The following PITPNM2 variants were observed in gnomAD, a reference collection of about 807,000 sequenced individuals.
The protein encoded by PITPNM2 is phosphatidylinositol transfer protein membrane associated 2.
In PITPNM2, 35 loss-of-function variants were observed where a neutral mutation model predicts 132.2. The observed-to-expected ratio is 0.26, with a 90% CI of 0.20 to 0.35. The LOEUF (loss-of-function observed/expected upper bound fraction) is 0.35, where lower values mean the gene tolerates loss of function less well. PITPNM2 is among the 10% of genes least tolerant of loss of function. The pLI, the probability that PITPNM2 is intolerant of heterozygous loss-of-function variation, is 1.00. For synonymous variants in PITPNM2, 738 were observed against 799.2 expected, an observed-to-expected ratio of 0.92 and a Z score of 1.29; for missense variants, 1,332 against 1,912.0, an observed-to-expected ratio of 0.70 and a Z score of 5.66.
intron 2 of PITPNM2, chr12:123,084,130 G>A (rs2042043879): frequency 6.6e-6 from 1 of 152,436 alleles, no homozygotes; most frequent in South Asian, 2.1e-4. Flanking sequence ...GCAGACCTCA[G>A]CCAGAGATGC....
rs573867703 is a variant in PITPNM2, at chr12:123,130,559, T to A, written c.-199-20071A>T. Reference sequence around the variant, plus strand: ...ACTTTGGGAGGCCGAGGCGGGCGGATCACGAGGTCAGGAGATCAAGACCAT... The same window carrying A: ...ACTTTGGGAGGCCGAGGCGGGCGGAACACGAGGTCAGGAGATCAAGACCAT... On this transcript the variant is annotated intron_variant, in intron 1 of 25. Transcript: ENST00000320201. Among the ~76,000 whole-genome samples, 30 of 152,192 alleles carry A rather than the reference T, an allele frequency of 2.0e-4. 1 individual carries two copies. In the South Asian group the frequency reaches 6.0e-3, roughly 31 times the overall value.
chr12:123,036,215 G>A lies in PITPNM2; in HGVS notation c.-95-1530C>T, dbSNP rs1219362263. ...AAAGCATTACTGGGTAGCTAACAAG[G>A]TTGAGAAAAACATTTATCAGAACTC... On this transcript the variant is annotated intron_variant, in intron 2 of 25. Transcript: ENST00000320201. The surrounding 1 kb of genome is among the most constrained non-coding windows in gnomAD (Gnocchi z 4.1). Among the ~76,000 whole-genome samples, 2 of 152,184 alleles carry A rather than the reference G, an allele frequency of 1.3e-5. No homozygotes were observed. The highest frequency in any genetic ancestry group is 4.8e-5 in the African/African-American group (2 of 41,430).
intron 6 of PITPNM2, among the ~76,000 whole-genome samples, chr12:123,007,666 T>C (rs1291006657): frequency 6.6e-6 from 1 of 152,162 alleles, no homozygotes; most frequent in African/African-American, 2.4e-5. Flanking sequence ...AGGGGTGGCC[T>C]CAGATGTGGC....
chr12:122,997,137 C>T (rs1031025323), intron 11 of PITPNM2, among the ~76,000 whole-genome samples, 188 bp downstream of exon 11: 1 of 152,128 alleles, frequency 6.6e-6, no homozygotes, highest in African/African-American at 2.4e-5. Flanking sequence ...CAGCCATGGG[C>T]CCAGGCCTCC....
chr12:123,026,178 T>C (rs2039856825), intron 3 of PITPNM2, among the ~76,000 whole-genome samples: 1 of 152,216 alleles, frequency 6.6e-6, no homozygotes, highest in Non-Finnish European at 1.5e-5. Flanking sequence ...ATTTCCAAAC[T>C]CTAAGTGGAG....
chr12:123,104,056 T>G (rs1376575336), intron 2 of PITPNM2, among the ~76,000 whole-genome samples: 1 of 152,176 alleles, frequency 6.6e-6, no homozygotes, highest in East Asian at 1.9e-4. Context: ...CCCAAGTAGC[T>G]GGGACTACAG....
chr12:123,125,801 C>T (rs2043124759), intron 1 of PITPNM2, among the ~76,000 whole-genome samples: 3 of 143,468 alleles, frequency 2.1e-5, no homozygotes, highest in South Asian at 2.3e-4. Flanking sequence ...GAGATTACTC[C>T]ACTGTACTCC....
Position 122,989,893 on chromosome 12 carries a change from G to A in PITPNM2, c.2625C>T (p.Ala875=). ...TPSVRRLSLL[A]LPAPSPTTPG... is the part of the protein sequence containing the mutation. ...GGGTGGTGGGGCTGGGGGCGGGCAG[G>A]GCGAGCAGGGACAGACGCCTGACGC... is the stretch of plus-strand genomic sequence containing the variant. The change falls in exon 18 of 26, where the codon GCC becomes GCT. Residue 875 remains alanine, a synonymous_variant. Coordinates refer to ENST00000320201, the MANE Select transcript of PITPNM2 (RefSeq NM_020845.3). 7.5e-7 allele frequency: 1 copy of A among 1,329,196 alleles called. No individual in the cohort carries two copies. The highest frequency in any genetic ancestry group is 9.7e-7 in the Non-Finnish European group (1 of 1,035,582). 82.3% of individuals were successfully genotyped at this position (1,329,196 alleles called of 1,614,324 possible). A position where few individuals can be genotyped will look rare whatever the true frequency, so the allele number is the denominator to read the frequency against.
chr12:123,066,388 G>A (rs1231492886), intron 2 of PITPNM2, among the ~76,000 whole-genome samples: 3 of 152,100 alleles, frequency 2.0e-5, no homozygotes, highest in South Asian at 2.1e-4. Flanking sequence ...TGAGCATTGT[G>A]GGTACTCCCC....
chr12:123,051,111 GCCCA>G (rs149861690), intron 2 of PITPNM2, among the ~76,000 whole-genome samples: 4,823 of 152,264 alleles, frequency 0.032, 140 homozygotes, highest in East Asian at 0.17. Flanking sequence ...TATCCTCAAG[GCCCA>G]CCCCTCGCTG....
intron 3 of PITPNM2, among the ~76,000 whole-genome samples, chr12:123,016,528 G>A (rs1440052771): frequency 1.3e-5 from 2 of 151,822 alleles, no homozygotes; most frequent in Admixed American, 1.3e-4. Flanking sequence ...TGTTGGCCAG[G>A]ATGGTCTTGA....
chr12:123,122,911 G>A (rs2043059754), intron 1 of PITPNM2, among the ~76,000 whole-genome samples: 3 of 152,250 alleles, frequency 2.0e-5, no homozygotes, highest in East Asian at 1.9e-4. Flanking sequence ...CCACTGCCTC[G>A]CACTCACACA....
chr12:123,109,704 T>C lies in PITPNM2; in HGVS notation c.-96+681A>G, dbSNP rs1205809771. 2.0e-5 allele frequency among the ~76,000 whole-genome samples: 3 copies of C among 152,106 alleles called. No homozygotes were observed. The East Asian group carries it at 5.8e-4, about 29-fold the overall frequency. ...CATAACTCCTGCCTGTCCTCTTCCA[T>C]GTACTAAGGGTAGAGCAGGCCAGGC... On this transcript the variant is annotated intron_variant, in intron 2 of 25. Transcript: ENST00000320201.
chr12:123,012,875 G>T, intron 4 of PITPNM2, 141 bp from the exon 5 acceptor site: 1 of 1,136,542 alleles, frequency 8.8e-7, no homozygotes, highest in South Asian at 1.5e-5. Context: ...AGACTTGCCT[G>T]CCCTGTCCAC....
Position 122,995,648 on chromosome 12 carries a change from G to T in PITPNM2, c.1795C>A (p.Leu599Met). 1 of 1,597,410 alleles carries T rather than the reference G, an allele frequency of 6.3e-7. No individual in the cohort carries two copies. Among genetic ancestry groups the T allele is most frequent in the Non-Finnish European group, 8.5e-7 (1 of 1,176,436 alleles). The stretch of plus-strand genomic sequence containing the variant: ...GCATTCATCAGGATGCCCGGGGACA[G>T]CAGGTCATTGTCCTGGAACGGCCCC... ...SVVSMQDNDLLSPGILMNAAH... is the reference protein window; with the variant it reads ...SVVSMQDNDLMSPGILMNAAH... The change falls in exon 14 of 26, where the codon CTG becomes ATG. Residue 599 changes from leucine to methionine, a missense_variant. This residue lies in a region of PITPNM2 where 710 missense variants were observed against 911.5 expected (regional missense o/e 0.78). Transcript: ENST00000320201.
At chr12:123,062,252 G>T (rs1197243581) in intron 2 of PITPNM2, among the ~76,000 whole-genome samples, 2 of 152,180 alleles carry the variant, frequency 1.3e-5, no homozygotes, top group East Asian at 3.8e-4. Flanking sequence ...TCCGTCCTTA[G>T]ATCTGATACT....
At chr12:122,987,985 G>A in intron 20 of PITPNM2, 84 bp from the exon 21 acceptor site, 1 of 1,274,136 alleles carries the variant, frequency 7.8e-7, no homozygotes. Flanking sequence ...GTGGGCCTGA[G>A]GGGCAGGCTT....
In PITPNM2 at chr12:123,004,516, G is replaced by A. The variant is rs757618557; in HGVS notation, c.953-27C>T. The A allele has an allele frequency of 2.5e-5, 40 of 1,607,760 alleles. No individual in the cohort carries two copies. The highest frequency in any genetic ancestry group is 3.3e-5 in the South Asian group (3 of 90,800). On this transcript the variant is annotated intron_variant, in intron 7 of 25. Transcript: ENST00000320201. This position sits in a 1 kb window ranked among gnomAD's most constrained non-coding sequence, Gnocchi z 4.9. ...TGGAAGGCAAAACCCCAGATTGACC[G>A]CCAACTGGAGAGGAAGGGCCCAGAG...
intron 2 of PITPNM2, chr12:123,091,625 T>C (rs576544553): frequency 1.2e-4 from 18 of 152,106 alleles, no homozygotes; most frequent in African/African-American, 4.3e-4. Context: ...GAGAGGTGCA[T>C]TTGAGCACTA....
Sources: gnomAD v4.1 joint callset for allele counts (sites outside exome capture counted in the v4.1 genomes callset) on GRCh38, gnomAD v4.1.1 for gene constraint, gnomAD v4.1.1 regional missense constraint, Gnocchi (gnomAD v3.1) non-coding constraint, MANE v1.5 for transcripts, NCBI Gene and HGNC (gene_info 2026-07-23, HGNC 2026-07-21) for gene names.